Variants in SEL1L3 observed in about 807,000 individuals in gnomAD.
SEL1L3 encodes the protein protein sel-1 homolog 3.
In SEL1L3, 76 loss-of-function variants were observed where a neutral mutation model predicts 142.8. The observed-to-expected ratio is 0.53, with a 90% confidence interval of 0.44 to 0.64. SEL1L3 has a LOEUF of 0.64. SEL1L3 is among the 30% of genes least tolerant of loss of function. The pLI is 0.00. For synonymous variants in SEL1L3, 504 were observed against 519.6 expected (o/e 0.97, Z 0.41); for missense variants, 1,262 against 1,381.7 (o/e 0.91, Z 1.37).
At chr4:25,743,125 A>C (rs1261062074), downstream of SEL1L3, among the ~76,000 whole-genome samples, 1 of 152,250 alleles carries the variant, frequency 6.6e-6, no homozygotes, top group African/African-American at 2.4e-5. Flanking sequence ...AGTCAGCCTC[A>C]GCTAACTCTT....
intron 12 of SEL1L3, among the ~76,000 whole-genome samples, chr4:25,790,105 G>A (rs1712188620): frequency 1.3e-5 from 2 of 152,120 alleles, no homozygotes; most frequent in Non-Finnish European, 2.9e-5. Context: ...CATAAATATT[G>A]TGGCTTTCCC....
chr4:25,851,501 A>T (rs569327771), intron 1 of SEL1L3, among the ~76,000 whole-genome samples: 126 of 152,296 alleles, frequency 8.3e-4, no homozygotes, highest in African/African-American at 3.0e-3. Flanking sequence ...GAGACAGAAT[A>T]AGAGAGAAAG....
intron 2 of SEL1L3, among the ~76,000 whole-genome samples, chr4:25,839,563 G>A (rs963150248): frequency 3.9e-5 from 6 of 152,196 alleles, no homozygotes; most frequent in Non-Finnish European, 8.8e-5. Context: ...GTTAATGAGC[G>A]CAGGTCTGTT....
chr4:25,755,039 A>G (rs1392966529), intron 23 of SEL1L3, among the ~76,000 whole-genome samples: 1 of 152,118 alleles, frequency 6.6e-6, no homozygotes, highest in Non-Finnish European at 1.5e-5. Context: ...TGCTGAAAAG[A>G]AGTTCGAAAT....
chr4:25,800,756 T>C (rs565081114), intron 11 of SEL1L3, among the ~76,000 whole-genome samples: 1 of 152,220 alleles, frequency 6.6e-6, no homozygotes, highest in African/African-American at 2.4e-5. Context: ...ATTATAAGGG[T>C]GTGTAAGTTT....
At chr4:25,814,456 C>T (rs187462388) in intron 9 of SEL1L3, among the ~76,000 whole-genome samples, 2 of 152,314 alleles carry the variant, frequency 1.3e-5, no homozygotes, top group African/African-American at 4.8e-5. Context: ...ACATCTCATG[C>T]TTGAATCCAT....
At chr4:25,799,020 G>A (rs1712991183) in intron 11 of SEL1L3, among the ~76,000 whole-genome samples, 1 of 152,060 alleles carries the variant, frequency 6.6e-6, no homozygotes, top group Admixed American at 6.5e-5. Flanking sequence ...GCAGATGGCT[G>A]TCATCTTTCT....
chr4:25,764,058 AATC>A (rs1271816686), intron 20 of SEL1L3, among the ~76,000 whole-genome samples: 1 of 152,228 alleles, frequency 6.6e-6, no homozygotes. Context: ...GGAAATTGAG[AATC>A]ATCGTTAGAA....
chr4:25,759,366 G>A, intron 20 of SEL1L3: 2 of 300,274 alleles, frequency 6.7e-6, no homozygotes, highest in South Asian at 5.0e-5. Context: ...ACTGGAAAAC[G>A]TGCCCTTGTA....
intron 5 of SEL1L3, among the ~76,000 whole-genome samples, chr4:25,831,835 G>A (rs919460273): frequency 8.6e-5 from 13 of 152,028 alleles, no homozygotes; most frequent in African/African-American, 3.1e-4. Flanking sequence ...TGGCAACTAA[G>A]CTCGCTTTGT....
chr4:25,833,849 A>G (rs1715600325), intron 3 of SEL1L3, among the ~76,000 whole-genome samples: 1 of 152,228 alleles, frequency 6.6e-6, no homozygotes, highest in South Asian at 2.1e-4. Context: ...AGAATCTCAC[A>G]TGCCTGCTAT....
chr4:25,730,849 C>T, the SEL1L3 span, among the ~76,000 whole-genome samples: 3 of 152,040 alleles, frequency 2.0e-5, no homozygotes, highest in Admixed American at 6.6e-5. Context: ...GCCAACATGG[C>T]GAAACCCCAT....
chr4:25,816,532 C>T (rs1319618983), intron 9 of SEL1L3, among the ~76,000 whole-genome samples: 1 of 152,176 alleles, frequency 6.6e-6, no homozygotes, highest in African/African-American at 2.4e-5. Context: ...CTCAGGCCTG[C>T]ATCCACTCCT....
intron 1 of SEL1L3, among the ~76,000 whole-genome samples, chr4:25,848,516 A>G (rs1005191893): frequency 2.0e-5 from 3 of 152,232 alleles, no homozygotes; most frequent in Admixed American, 2.0e-4. Context: ...GAAGGATTTT[A>G]GCTGAATGTT....
the SEL1L3 span, among the ~76,000 whole-genome samples, chr4:25,715,220 G>C: frequency 0.014 from 2,062 of 152,250 alleles, 22 homozygotes; most frequent in South Asian, 0.035. Flanking sequence ...GGTCAGGCAT[G>C]GTGGCTCACA....
At chr4:25,726,527 C>CA in the SEL1L3 span, among the ~76,000 whole-genome samples, 294 of 122,998 alleles carry the variant, frequency 2.4e-3, no homozygotes, top group Non-Finnish European at 3.7e-3. Flanking sequence ...GACTTGGTCT[C>CA]AAAAAAAAAA....
chr4:25,836,816 C>T (rs1287952280), intron 2 of SEL1L3, among the ~76,000 whole-genome samples: 2 of 152,132 alleles, frequency 1.3e-5, no homozygotes, highest in Non-Finnish European at 2.9e-5. Flanking sequence ...GGGGCTTCAG[C>T]TTAGGATGCT....
chr4:25,832,005 G>A (rs189934505), intron 5 of SEL1L3, among the ~76,000 whole-genome samples: 1 of 152,322 alleles, frequency 6.6e-6, no homozygotes, highest in Non-Finnish European at 1.5e-5. Context: ...CTCCGTAAGA[G>A]AAAGCATCAA....
chr4:25,757,487 C>CT (rs11352729), intron 23 of SEL1L3, 47 bp downstream of exon 23: 4,651 of 834,592 alleles, frequency 5.6e-3, no homozygotes, highest in South Asian at 7.5e-3. Flanking sequence ...AAAATCCCTG[C>CT]TTTTTTTTTT....
Sources: allele counts gnomAD v4.1 joint callset (sites outside exome capture counted in the v4.1 genomes callset), GRCh38; gene constraint gnomAD v4.1.1; transcripts MANE v1.5; gene names NCBI Gene and HGNC (gene_info 2026-07-23, HGNC 2026-07-21).